FMNL2: variants seen among roughly 807,000 people sequenced by gnomAD.
FMNL2 encodes the protein formin-like protein 2.
A neutral mutation model predicts 130.2 loss-of-function variants in FMNL2; 51 were observed. The ratio of observed to expected loss-of-function variants is 0.39; its 90% confidence interval spans 0.31 to 0.49. The LOEUF is 0.49. Ranked by LOEUF, FMNL2 falls within the 20% of genes least tolerant of loss-of-function variation. The pLI is 0.85. For missense variants in FMNL2, 977 were observed against 1,316.2 expected, an observed-to-expected ratio of 0.74 and a Z score of 3.99; for synonymous variants, 465 against 467.1, an observed-to-expected ratio of 1.00 and a Z score of 0.06.
chr2:152,344,370 C>T (rs1013295812), intron 1 of FMNL2, among the ~76,000 whole-genome samples: 32 of 152,126 alleles, frequency 2.1e-4, no homozygotes, highest in African/African-American at 7.7e-4. Flanking sequence ...TGAGTTAAAA[C>T]CAGCAGAAAA....
chr2:152,579,527 T>C (rs534533986), intron 8 of FMNL2, among the ~76,000 whole-genome samples: 2 of 152,134 alleles, frequency 1.3e-5, no homozygotes, highest in Admixed American at 1.3e-4. Context: ...TGAAACCCCA[T>C]CTCTACTAAA....
chr2:152,605,421 G>T (rs911497775), intron 9 of FMNL2, among the ~76,000 whole-genome samples: 11 of 152,124 alleles, frequency 7.2e-5, no homozygotes, highest in Non-Finnish European at 1.6e-4. Context: ...TGGACTCAAA[G>T]TATCCTCCCA....
In FMNL2 at chr2:152,470,587, TAATC is replaced by T. The variant is rs530284002; in HGVS notation, c.118-51353_118-51350del. On this transcript the variant is annotated intron_variant, in intron 1 of 25. Transcript: ENST00000288670. ...TATACCCTATGAGAAAAAATACGCT[TAATC>T]AACCCATTTTCCTCTTATGGCCATA... is the stretch of plus-strand genomic sequence containing the variant. Among the ~76,000 whole-genome samples, 706 of 152,356 alleles carry T rather than the reference TAATC, an allele frequency of 4.6e-3. 6 individuals carry two copies. Among genetic ancestry groups the T allele is most frequent in the South Asian group, 0.017 (81 of 4,828 alleles).
At chr2:152,478,663 A>G (rs1369869958) in intron 1 of FMNL2, among the ~76,000 whole-genome samples, 1 of 152,216 alleles carries the variant, frequency 6.6e-6, no homozygotes, top group Non-Finnish European at 1.5e-5. Context: ...AGTTCTATAC[A>G]TTGAAAATCA....
intron 25 of FMNL2, 29 bp from the exon 26 acceptor site, chr2:152,647,766 AT>A: frequency 6.2e-7 from 1 of 1,603,858 alleles, no homozygotes; most frequent in Non-Finnish European, 8.5e-7. Flanking sequence ...AAAGGTTGCT[AT>A]TCTCTCACTG....
intron 9 of FMNL2, among the ~76,000 whole-genome samples, chr2:152,600,294 G>C (rs1697982714): frequency 6.6e-6 from 1 of 152,182 alleles, no homozygotes; most frequent in East Asian, 1.9e-4. Flanking sequence ...ATTGAGGCAG[G>C]CGCCAGGCAA....
chr2:152,623,583 GAGGC>G (rs754074347), intron 15 of FMNL2, among the ~76,000 whole-genome samples: 5 of 152,122 alleles, frequency 3.3e-5, no homozygotes, highest in African/African-American at 7.2e-5. Context: ...AACGCCAACT[GAGGC>G]AGGCAGGCAG....
At chr2:152,347,178 C>T (rs903614874) in intron 1 of FMNL2, among the ~76,000 whole-genome samples, 2 of 152,098 alleles carry the variant, frequency 1.3e-5, no homozygotes, top group African/African-American at 4.8e-5. Context: ...CCCTCTTGTT[C>T]TTCAGGAGTG....
intron 1 of FMNL2, among the ~76,000 whole-genome samples, chr2:152,490,730 T>A: frequency 1.4e-5 from 2 of 144,282 alleles, no homozygotes; most frequent in African/African-American, 2.6e-5. Context: ...GTTTATGGAG[T>A]TTAAGGAAAA....
intron 1 of FMNL2, among the ~76,000 whole-genome samples, chr2:152,375,996 C>G (rs927408652): frequency 2.6e-5 from 4 of 151,702 alleles, no homozygotes; most frequent in Non-Finnish European, 4.4e-5. Flanking sequence ...CAGGTTCAAG[C>G]GATTCTCGTG....
In FMNL2 at chr2:152,390,134, C is replaced by T. The variant is rs559523408; in HGVS notation, c.117+54414C>T. 8.9e-4 allele frequency: 1,123 copies of T among 1,264,620 alleles called. 7 individuals are homozygous for T. Among genetic ancestry groups the T allele is most frequent in the South Asian group, 6.8e-3 (573 of 83,942 alleles). 78.3% of individuals were successfully genotyped at this position (1,264,620 alleles called of 1,614,324 possible). ...GAAAACTGAAGCCCAACCTAGGCAA[C>T]GGGGCAGACCTGCCCAATTACTGCT... is the stretch of plus-strand genomic sequence containing the variant. On this transcript the variant is annotated intron_variant, in intron 1 of 25. Coordinates refer to ENST00000288670, the MANE Select transcript of FMNL2 (RefSeq NM_052905.4).
chr2:152,502,806 G>A lies in FMNL2; in HGVS notation c.118-19137G>A, dbSNP rs958284886. 3.3e-5 allele frequency among the ~76,000 whole-genome samples: 5 copies of A among 152,258 alleles called. No individual in the cohort carries two copies. The South Asian group carries it at 1.0e-3, about 32-fold the overall frequency. The stretch of plus-strand genomic sequence containing the variant: ...TTTGCGAGTTTAGTAGCAGGAAAGG[G>A]AGCGAGTTCTTGTATAAGGGGGTTT... On this transcript the variant is annotated intron_variant, in intron 1 of 25. Coordinates refer to ENST00000288670, the MANE Select transcript of FMNL2 (RefSeq NM_052905.4).
At chr2:152,610,727 TTAA>T (rs1321573101) in intron 10 of FMNL2, among the ~76,000 whole-genome samples, 4 of 152,252 alleles carry the variant, frequency 2.6e-5, no homozygotes, top group African/African-American at 9.6e-5. Context: ...TTGGTTGTTA[TTAA>T]TGATGTTACT....
intron 9 of FMNL2, among the ~76,000 whole-genome samples, chr2:152,589,059 T>C (rs1349059054): frequency 6.6e-6 from 1 of 150,748 alleles, no homozygotes; most frequent in Non-Finnish European, 1.5e-5. Flanking sequence ...ATTCATTTAC[T>C]TATCACGTCT....
rs138512684 is a variant in FMNL2 at position 152,520,760 on chromosome 2, T to A, written c.118-1183T>A. 9.2e-5 allele frequency among the ~76,000 whole-genome samples: 14 copies of A among 152,266 alleles called. No homozygotes were observed. In the East Asian group the frequency reaches 2.7e-3, roughly 29 times the overall value. ...TTAATTTATCATAATCAGTGGTTGA[T>A]TTTCTATCATTAAGTCAGGACAGCA... is the stretch of plus-strand genomic sequence containing the variant. On this transcript the variant is annotated intron_variant, in intron 1 of 25. Transcript: ENST00000288670.
chr2:152,484,757 G>C (rs948460159), intron 1 of FMNL2, among the ~76,000 whole-genome samples: 2 of 152,204 alleles, frequency 1.3e-5, no homozygotes, highest in South Asian at 2.1e-4. Flanking sequence ...GTGAGACCCT[G>C]TCTCTAAAAC....
At chr2:152,338,968 C>G (rs1479274005) in intron 1 of FMNL2, among the ~76,000 whole-genome samples, 2 of 152,150 alleles carry the variant, frequency 1.3e-5, no homozygotes, top group African/African-American at 4.8e-5. Context: ...GTACTTCAAT[C>G]TTTGTTCTTT....
At chr2:152,465,193 C>G (rs1689461077) in intron 1 of FMNL2, among the ~76,000 whole-genome samples, 1 of 152,234 alleles carries the variant, frequency 6.6e-6, no homozygotes, top group African/African-American at 2.4e-5. Context: ...AGACTCCCCT[C>G]TGACTAGTGG....
intron 1 of FMNL2, among the ~76,000 whole-genome samples, chr2:152,496,022 G>A (rs577402672): frequency 2.0e-4 from 31 of 152,032 alleles, no homozygotes; most frequent in Admixed American, 1.1e-3. Context: ...TTGCAAACTA[G>A]TACAAGGAGT....
Sources: gnomAD v4.1 joint callset for allele counts (sites outside exome capture counted in the v4.1 genomes callset) on GRCh38, gnomAD v4.1.1 for gene constraint, MANE v1.5 for transcripts, NCBI Gene and HGNC (gene_info 2026-07-23, HGNC 2026-07-21) for gene names.